Variants in ANKRD30A observed in about 807,000 individuals in gnomAD.
ANKRD30A encodes the protein ankyrin repeat domain 30A, also known as ankyrin repeat domain-containing protein 30A.
A neutral mutation model predicts 166.3 loss-of-function variants in ANKRD30A; 170 were observed. The observed-to-expected ratio is 1.02, with a 90% CI of 0.90 to 1.16. ANKRD30A has a LOEUF of 1.16. Ranked by LOEUF, ANKRD30A falls within the 50% of genes most tolerant of loss-of-function variation. ANKRD30A has a pLI of 0.00. For synonymous variants in ANKRD30A, 564 were observed against 508.9 expected, an observed-to-expected ratio of 1.11 and a Z score of -1.46; for missense variants, 1,630 against 1,518.0, an observed-to-expected ratio of 1.07 and a Z score of -1.23.
At chr10:37,252,937 C>A in the ANKRD30A span, among the ~76,000 whole-genome samples, 2 of 151,978 alleles carry the variant, frequency 1.3e-5, no homozygotes, top group East Asian at 3.9e-4. Flanking sequence ...AGACAAATGC[C>A]CTTTATGTTT....
chr10:37,265,377 C>T, the ANKRD30A span, among the ~76,000 whole-genome samples: 16 of 152,048 alleles, frequency 1.1e-4, no homozygotes, highest in East Asian at 1.7e-3. Flanking sequence ...TGGGGTTGCC[C>T]GCAGCATTCC....
At chr10:37,217,456 G>A (rs1148258) in intron 32 of ANKRD30A, among the ~76,000 whole-genome samples, 27,274 of 150,646 alleles carry the variant, frequency 0.18, 3,116 homozygotes, top group Admixed American at 0.26. Flanking sequence ...TATAACAGTC[G>A]TTGCAGTTAA....
In ANKRD30A at chr10:37,149,632, A is replaced by C; in HGVS notation, c.1544-19A>C. 1 of 1,610,056 alleles carries C rather than the reference A, an allele frequency of 6.2e-7. No individual in the cohort carries two copies. Among genetic ancestry groups the C allele is most frequent in the Non-Finnish European group, 8.5e-7 (1 of 1,176,932 alleles). Reference sequence around the variant, plus strand: ...TCATACTTACTTATGATTGATGATAAATCTCTTTTGCTTTTTAGAGCCTCC... The same window carrying C: ...TCATACTTACTTATGATTGATGATACATCTCTTTTGCTTTTTAGAGCCTCC... On this transcript the variant is annotated intron_variant, in intron 9 of 35. Coordinates refer to ENST00000361713, the MANE Select transcript of ANKRD30A (RefSeq NM_052997.3).
chr10:37,172,552 T>C (rs1293858467), intron 21 of ANKRD30A, among the ~76,000 whole-genome samples: 7 of 146,314 alleles, frequency 4.8e-5, no homozygotes, highest in Admixed American at 6.8e-5. Flanking sequence ...TCTTTTTTTT[T>C]TTTTTTTTTT....
At chr10:37,257,883 C>A in the ANKRD30A span, among the ~76,000 whole-genome samples, 137 of 152,286 alleles carry the variant, frequency 9.0e-4, 4 homozygotes, top group East Asian at 0.024. Context: ...CCAAACACTG[C>A]ATGTTCTCCC....
intron 32 of ANKRD30A, 58 bp from the exon 33 acceptor site, chr10:37,217,637 C>G (rs1842669688): frequency 2.2e-6 from 3 of 1,366,850 alleles, no homozygotes; most frequent in Non-Finnish European, 2.9e-6. Context: ...AAATAGATCT[C>G]AAAATGAATT....
chr10:37,250,420 G>C, the ANKRD30A span, among the ~76,000 whole-genome samples: 1 of 151,990 alleles, frequency 6.6e-6, no homozygotes, highest in Admixed American at 6.6e-5. Flanking sequence ...GTTTTATTGG[G>C]GATGGGGATG....
chr10:37,219,329 T>C lies in ANKRD30A; in HGVS notation c.3617T>C (p.Val1206Ala). The C allele has an allele frequency of 6.2e-7, 1 of 1,610,444 alleles. No individual in the cohort carries two copies. Among genetic ancestry groups the C allele is most frequent in the Non-Finnish European group, 8.5e-7 (1 of 1,177,660 alleles). ...ESHHPRLASA[V>A]QDHDQIVTSR... is the part of the protein sequence containing the mutation. ...CACCATCCTAGACTGGCTTCTGCTG[T>C]ACAAGACCATGATCAAATTGTGACA... Residue 1206 changes from valine (V) to alanine (A), a missense_variant, in exon 34 of 36, where the codon GTA becomes GCA. Physicochemically the swap from Val to Ala is moderately conservative, Grantham distance 64. Transcript: ENST00000361713.
chr10:37,209,677 C>G (rs1842177790), intron 31 of ANKRD30A, among the ~76,000 whole-genome samples: 1 of 152,036 alleles, frequency 6.6e-6, no homozygotes, highest in Admixed American at 6.6e-5. Context: ...TAGAATTATA[C>G]CTCTTTTTTT....
the ANKRD30A span, among the ~76,000 whole-genome samples, chr10:37,265,280 T>C: frequency 1.1e-4 from 16 of 152,188 alleles, no homozygotes; most frequent in African/African-American, 3.9e-4. Context: ...AGAAAGGAGC[T>C]TGGCAATCTT....
chr10:37,224,772 G>C (rs995292502), intron 34 of ANKRD30A, among the ~76,000 whole-genome samples: 7 of 151,420 alleles, frequency 4.6e-5, no homozygotes, highest in Non-Finnish European at 7.4e-5. Flanking sequence ...TCCTACAACA[G>C]TCGTGAAGTC....
At chr10:37,205,053 G>A in intron 31 of ANKRD30A, among the ~76,000 whole-genome samples, 1 of 152,174 alleles carries the variant, frequency 6.6e-6, no homozygotes, top group East Asian at 1.9e-4. Flanking sequence ...ATTCCTGAAG[G>A]ATCTAGAACT....
intron 11 of ANKRD30A, among the ~76,000 whole-genome samples, chr10:37,151,602 A>G (rs1837942713): frequency 1.3e-5 from 2 of 152,090 alleles, no homozygotes; most frequent in South Asian, 4.1e-4. Flanking sequence ...AAAAGTTAAT[A>G]CTCCTAAAAA....
At chr10:37,135,633 T>C (rs1836636828) in intron 5 of ANKRD30A, among the ~76,000 whole-genome samples, 1 of 152,166 alleles carries the variant, frequency 6.6e-6, no homozygotes, top group South Asian at 2.1e-4. Context: ...ATGATCATAG[T>C]TACTAAGCAT....
chr10:37,208,326 G>A (rs776041283), intron 31 of ANKRD30A, among the ~76,000 whole-genome samples: 10 of 152,054 alleles, frequency 6.6e-5, no homozygotes, highest in Non-Finnish European at 1.3e-4. Flanking sequence ...GCTCAGCTTC[G>A]TCCTTCTTTC....
At chr10:37,192,551 C>T (rs903201255) in intron 25 of ANKRD30A, among the ~76,000 whole-genome samples, 16 of 152,058 alleles carry the variant, frequency 1.1e-4, no homozygotes, top group South Asian at 8.3e-4. Context: ...TACATTTGTA[C>T]CTTTGAACTC....
At chr10:37,134,910 T>C (rs560589738) in intron 5 of ANKRD30A, among the ~76,000 whole-genome samples, 2 of 152,348 alleles carry the variant, frequency 1.3e-5, no homozygotes, top group East Asian at 3.9e-4. Context: ...TTACCAGATC[T>C]ATATCCCTGG....
intron 19 of ANKRD30A, among the ~76,000 whole-genome samples, chr10:37,167,001 G>C (rs1413063215): frequency 1.3e-5 from 2 of 152,084 alleles, no homozygotes; most frequent in African/African-American, 2.4e-5. Flanking sequence ...AGAGCATACA[G>C]AGAGTACATG....
rs1837170838 is a variant in ANKRD30A at position 37,142,006 on chromosome 10, A to T, written c.1109A>T (p.Glu370Val). 3 of 1,614,034 alleles carry T rather than the reference A, an allele frequency of 1.9e-6. No individual in the cohort carries two copies. Among genetic ancestry groups the T allele is most frequent in the Admixed American group, 3.3e-5 (2 of 60,008 alleles). ...EITSPAKETS[E>V]KFTWPAKGRP... ...ACGAGTCCTGCAAAAGAAACATCTG[A>T]GAAATTTACGTGGCCAGCAAAAGGA... Residue 370 changes from glutamate to valine, a missense_variant, in exon 7 of 36, where the codon GAG becomes GTG. Physicochemically the swap from Glu to Val is moderately radical, Grantham distance 121. Transcript: ENST00000361713.
Sources: gnomAD v4.1 joint callset for allele counts (sites outside exome capture counted in the v4.1 genomes callset) on GRCh38, gnomAD v4.1.1 for gene constraint, MANE v1.5 for transcripts, NCBI Gene and HGNC (gene_info 2026-07-23, HGNC 2026-07-21) for gene names.